The following PTPRK variants were observed in gnomAD, a reference collection of about 807,000 sequenced individuals.
PTPRK encodes receptor-type tyrosine-protein phosphatase kappa.
PTPRK carries 75 observed loss-of-function variants against 178.0 expected under a neutral mutation model. The observed-to-expected ratio is 0.42, with a 90% CI of 0.35 to 0.51. The LOEUF (loss-of-function observed/expected upper bound fraction) is 0.51, where lower values mean the gene tolerates loss of function less well. Ranked by LOEUF, PTPRK falls within the 20% of genes least tolerant of loss-of-function variation. The pLI is 0.02. For missense variants in PTPRK, 1,441 were observed against 1,797.8 expected (o/e 0.80, Z 3.59); for synonymous variants, 637 against 620.6 (o/e 1.03, Z -0.39).
intron 5 of PTPRK, among the ~76,000 whole-genome samples, chr6:128,236,038 T>C (rs567753077): frequency 3.5e-4 from 54 of 152,312 alleles, no homozygotes; most frequent in Non-Finnish European, 7.1e-4. Flanking sequence ...TTAAACTTGA[T>C]CATAGGTATG....
chr6:128,273,097 C>T (rs574213814), intron 3 of PTPRK, among the ~76,000 whole-genome samples: 86 of 151,950 alleles, frequency 5.7e-4, no homozygotes, highest in African/African-American at 1.9e-3. Flanking sequence ...TTCTGACTAT[C>T]GCAAGGATAG....
Position 128,520,509 on chromosome 6 carries a change from C to A in PTPRK, c.-151G>T, listed in dbSNP as rs1858900259. ...CGCCCTTTTTCCTTCTTCGCGGTCG[C>A]CAAACTACCTCAGGGGCGAAAGCGT... On this transcript the variant is annotated 5_prime_UTR_variant, in exon 1 of 30. Transcript: ENST00000368226. The A allele has an allele frequency of 7.3e-6, 5 of 687,800 alleles. No homozygotes were observed. In the South Asian group the frequency reaches 9.4e-5, roughly 13 times the overall value. The allele number at this position is 687,800 out of a possible 1,614,324, so 42.6% of individuals were successfully genotyped here. A position where few individuals can be genotyped will look rare whatever the true frequency, so the allele number is the denominator to read the frequency against.
intron 7 of PTPRK, among the ~76,000 whole-genome samples, chr6:128,130,915 A>G (rs890510237): frequency 6.6e-5 from 10 of 151,890 alleles, no homozygotes; most frequent in Non-Finnish European, 1.5e-4. Flanking sequence ...TAGCTCCTCC[A>G]CTCCAGAATT....
intron 3 of PTPRK, among the ~76,000 whole-genome samples, chr6:128,249,695 C>G (rs1816133564): frequency 6.6e-6 from 1 of 152,102 alleles, no homozygotes. Context: ...CACACATATA[C>G]TGATGTCGTC....
intron 1 of PTPRK, among the ~76,000 whole-genome samples, chr6:128,399,710 C>A (rs867350418): frequency 3.5e-4 from 53 of 152,150 alleles, no homozygotes; most frequent in African/African-American, 1.2e-3. Context: ...ACCAGTGGGA[C>A]CCACATTGAC....
At chr6:128,458,750 T>C (rs1452122291) in intron 1 of PTPRK, among the ~76,000 whole-genome samples, 2 of 152,160 alleles carry the variant, frequency 1.3e-5, no homozygotes, top group African/African-American at 4.8e-5. Context: ...TCAATAAAAC[T>C]AGAGGAATAA....
intron 6 of PTPRK, among the ~76,000 whole-genome samples, chr6:128,193,280 GAAAAAAAAA>G (rs778872277): frequency 5.2e-5 from 3 of 57,754 alleles, no homozygotes; most frequent in African/African-American, 1.8e-4. Context: ...TCCAGCTTGT[GAAAAAAAAA>G]AAAAAAAAAA....
chr6:128,289,316 C>G (rs1823001819), intron 3 of PTPRK, among the ~76,000 whole-genome samples: 1 of 152,034 alleles, frequency 6.6e-6, no homozygotes. Context: ...TATTGTCTTA[C>G]TAAGATTTCA....
chr6:128,401,763 T>C (rs989544373), intron 1 of PTPRK, among the ~76,000 whole-genome samples: 5 of 152,190 alleles, frequency 3.3e-5, no homozygotes, highest in African/African-American at 1.2e-4. Flanking sequence ...ATATGAAGCA[T>C]TTTCTTAAAT....
intron 7 of PTPRK, among the ~76,000 whole-genome samples, chr6:128,183,210 T>C (rs1802218060): frequency 6.6e-6 from 1 of 152,174 alleles, no homozygotes; most frequent in African/African-American, 2.4e-5. Flanking sequence ...TCTGACTAGT[T>C]GAGATTATGG....
intron 7 of PTPRK, among the ~76,000 whole-genome samples, chr6:128,126,284 T>C (rs570292547): frequency 5.6e-4 from 85 of 152,284 alleles, no homozygotes; most frequent in Admixed American, 2.0e-3. Context: ...GTTTTCATTG[T>C]TCATTTATGA....
intron 2 of PTPRK, among the ~76,000 whole-genome samples, chr6:128,376,172 C>T (rs149483104): frequency 5.3e-4 from 80 of 152,274 alleles, no homozygotes; most frequent in African/African-American, 1.9e-3. Flanking sequence ...GGCATCAACC[C>T]CACATTTCCC....
chr6:128,301,481 GTT>G (rs1261192727), intron 3 of PTPRK, among the ~76,000 whole-genome samples: 20 of 151,968 alleles, frequency 1.3e-4, no homozygotes, highest in African/African-American at 4.1e-4. Flanking sequence ...TGAGAGAACT[GTT>G]AAGCACATGC....
Position 128,425,014 on chromosome 6 carries a change from C to T in PTPRK, c.101-27326G>A, listed in dbSNP as rs952000661. On this transcript the variant is annotated intron_variant, in intron 1 of 29. Transcript: ENST00000368226. The stretch of plus-strand genomic sequence containing the variant: ...TTGATTACATGAATAAGTTCTTTAG[C>T]GGTGATTTTTGAGATTTTGGTGCAG... Among the ~76,000 whole-genome samples the T allele has an allele frequency of 2.7e-5, 4 of 150,204 alleles. No individual in the cohort carries two copies. In the South Asian group the frequency reaches 6.3e-4, roughly 24 times the overall value.
At chr6:128,223,375 C>G (rs1810747528) in intron 5 of PTPRK, among the ~76,000 whole-genome samples, 1 of 151,594 alleles carries the variant, frequency 6.6e-6, no homozygotes, top group Non-Finnish European at 1.5e-5. Context: ...TCAAGGACAC[C>G]AAGAGATCAC....
intron 4 of PTPRK, among the ~76,000 whole-genome samples, chr6:128,242,237 A>G (rs970867860): frequency 2.0e-5 from 3 of 152,156 alleles, no homozygotes; most frequent in Non-Finnish European, 4.4e-5. Flanking sequence ...AAAAAAATGA[A>G]CAAGTCCTAC....
At chr6:128,289,511 T>C (rs1453520183) in intron 3 of PTPRK, among the ~76,000 whole-genome samples, 1 of 152,154 alleles carries the variant, frequency 6.6e-6, no homozygotes, top group African/African-American at 2.4e-5. Flanking sequence ...GATTCTCTAT[T>C]GTTGTTCAAT....
At chr6:128,039,881 C>T (rs541072701) in intron 13 of PTPRK, among the ~76,000 whole-genome samples, 1 of 152,198 alleles carries the variant, frequency 6.6e-6, no homozygotes, top group South Asian at 2.1e-4. Flanking sequence ...GAATGGATGG[C>T]CAATAGTCCC....
chr6:128,228,849 C>T (rs1013561493), intron 5 of PTPRK, among the ~76,000 whole-genome samples: 4 of 151,928 alleles, frequency 2.6e-5, no homozygotes, highest in Non-Finnish European at 5.9e-5. Flanking sequence ...AAAATAGGTA[C>T]AGACAGACAC....
Sources: gnomAD v4.1 joint callset for allele counts (sites outside exome capture counted in the v4.1 genomes callset) on GRCh38, gnomAD v4.1.1 for gene constraint, MANE v1.5 for transcripts, NCBI Gene and HGNC (gene_info 2026-07-23, HGNC 2026-07-21) for gene names.